EEF2K: variants seen among roughly 807,000 people sequenced by gnomAD.
EEF2K encodes the protein eukaryotic elongation factor 2 kinase.
A neutral mutation model predicts 93.8 loss-of-function variants in EEF2K; 70 were observed. That is an observed-to-expected ratio of 0.75 (90% CI 0.62 to 0.91). EEF2K has a LOEUF of 0.91. Ranked by LOEUF, EEF2K falls within the 40% of genes least tolerant of loss-of-function variation. The pLI, the probability that EEF2K is intolerant of heterozygous loss-of-function variation, is 0.00. For synonymous variants in EEF2K, 376 were observed against 380.8 expected (o/e 0.99, Z 0.15); for missense variants, 935 against 972.9 (o/e 0.96, Z 0.52).
At chr16:22,267,734 C>T (rs1036100785) in intron 15 of EEF2K, among the ~76,000 whole-genome samples, 2 of 152,108 alleles carry the variant, frequency 1.3e-5, no homozygotes, top group Non-Finnish European at 2.9e-5. Flanking sequence ...AGACAAGGTG[C>T]ACCCGTGTAG....
At chr16:22,229,788 C>T (rs1038335802) in intron 2 of EEF2K, among the ~76,000 whole-genome samples, 2 of 152,120 alleles carry the variant, frequency 1.3e-5, no homozygotes, top group African/African-American at 4.8e-5. Context: ...ATACCATTAC[C>T]CTTTCTTAAT....
intron 1 of EEF2K, among the ~76,000 whole-genome samples, chr16:22,218,936 TAAAAA>T (rs11370005): frequency 8.9e-6 from 1 of 111,978 alleles, no homozygotes; most frequent in African/African-American, 3.1e-5. Context: ...ACAAAAAAAT[TAAAAA>T]AAAAAAAAAA....
chr16:22,236,812 AATT>A (rs1333299857), intron 2 of EEF2K, among the ~76,000 whole-genome samples: 3 of 151,048 alleles, frequency 2.0e-5, no homozygotes, highest in Non-Finnish European at 2.9e-5. Flanking sequence ...CCTGGTATAT[AATT>A]ATTATGATTT....
chr16:22,221,091 G>C (rs546799740), intron 1 of EEF2K, among the ~76,000 whole-genome samples: 1 of 152,230 alleles, frequency 6.6e-6, no homozygotes, highest in African/African-American at 2.4e-5. Flanking sequence ...AGTAGTTCAC[G>C]TTGGTTTTCA....
intron 10 of EEF2K, among the ~76,000 whole-genome samples, chr16:22,259,921 T>C (rs2047445979): frequency 6.6e-6 from 1 of 151,970 alleles, no homozygotes; most frequent in African/African-American, 2.4e-5. Flanking sequence ...CCCAGCTAAT[T>C]TTTGTATTTT....
intron 1 of EEF2K, among the ~76,000 whole-genome samples, chr16:22,223,279 T>C (rs2047032508): frequency 6.7e-6 from 1 of 149,406 alleles, no homozygotes. Context: ...TTTTTTTTTT[T>C]TGGTTTTGTT....
Position 22,273,574 on chromosome 16 carries a change from G to C in EEF2K, c.1765-52G>C. ...GAGTAGTGAGATCTTGGCAGCCCTC[G>C]AGTGTAAGCCTCATTCACTCTTCTT... On this transcript the variant is annotated intron_variant, in intron 15 of 17. Transcript: ENST00000263026. The C allele has an allele frequency of 2.5e-6, 4 of 1,597,868 alleles. No homozygotes were observed. The South Asian group carries it at 4.5e-5, about 18-fold the overall frequency.
chr16:22,244,561 G>T, intron 2 of EEF2K, 69 bp from the exon 3 acceptor site: 1 of 1,444,934 alleles, frequency 6.9e-7, no homozygotes, highest in Non-Finnish European at 9.7e-7. Flanking sequence ...AGGGCAGGAG[G>T]AGTCCACGCT....
chr16:22,260,860 A>G (rs1400260525), intron 11 of EEF2K, among the ~76,000 whole-genome samples: 2 of 152,186 alleles, frequency 1.3e-5, no homozygotes, highest in African/African-American at 4.8e-5. Context: ...TGTCCTATAG[A>G]GCCCTAATAC....
In EEF2K at chr16:22,283,957, C is replaced by T; in HGVS notation, c.2139C>T (p.Tyr713=). The change falls in exon 18 of 18, where the codon TAC becomes TAT. Residue 713 remains tyrosine, a synonymous_variant. Transcript: ENST00000263026. ...AGGGCCGACTGGCCAACCAGTACTA[C>T]CAAAAGGCTGAAGAGGCCTGGGCCC... ...AMKGRLANQY[Y]QKAEEAWAQM... 6.3e-7 allele frequency: 1 copy of T among 1,593,556 alleles called. No homozygotes were observed. Among genetic ancestry groups the T allele is most frequent in the South Asian group, 1.1e-5 (1 of 87,466 alleles).
At chr16:22,245,010 C>T (rs2047272904) in intron 3 of EEF2K, among the ~76,000 whole-genome samples, 1 of 151,978 alleles carries the variant, frequency 6.6e-6, no homozygotes, top group South Asian at 2.1e-4. Context: ...ACCTGTAATC[C>T]CAGCACTTTG....
intron 1 of EEF2K, 22 bp from the exon 2 acceptor site, chr16:22,225,632 C>G: frequency 6.5e-7 from 1 of 1,534,766 alleles, no homozygotes; most frequent in Non-Finnish European, 8.8e-7. Context: ...CACCCACTCT[C>G]TGGCCCTTGC....
chr16:22,236,147 T>C (rs2047165452), intron 2 of EEF2K, among the ~76,000 whole-genome samples: 1 of 152,022 alleles, frequency 6.6e-6, no homozygotes, highest in South Asian at 2.1e-4. Flanking sequence ...CACTGATAAT[T>C]GTACCAAACC....
At chr16:22,235,638 C>CA (rs1262607277) in intron 2 of EEF2K, among the ~76,000 whole-genome samples, 2 of 152,074 alleles carry the variant, frequency 1.3e-5, no homozygotes, top group African/African-American at 4.8e-5. Flanking sequence ...GCTGGGATTA[C>CA]AGGCATGCAC....
rs2047339405 is a variant in EEF2K, at chr16:22,250,549, A to G, written c.409-105A>G. On this transcript the variant is annotated intron_variant, in intron 4 of 17. Coordinates refer to ENST00000263026, the MANE Select transcript of EEF2K (RefSeq NM_013302.5). ...GGATTTCAGGATTGAGATGAGGCCC[A>G]GGGCACCCATTTGATAGGTGGCATG... 3 of 1,395,244 alleles carry G rather than the reference A, an allele frequency of 2.2e-6. No individual in the cohort carries two copies. In the South Asian group the frequency reaches 3.6e-5, roughly 17 times the overall value. The allele number at this position is 1,395,244 out of a possible 1,614,324, so 86.4% of individuals were successfully genotyped here.
intron 6 of EEF2K, 61 bp from the exon 7 acceptor site, chr16:22,256,686 GC>G: frequency 6.4e-7 from 1 of 1,559,904 alleles, no homozygotes; most frequent in Non-Finnish European, 8.7e-7. Flanking sequence ...CCCTCCCCTT[GC>G]CGCTTCTCAG....
At position 22,257,647 on chromosome 16, in the gene EEF2K, C is replaced by T. The variant is rs2047417779; in HGVS notation, c.906C>T (p.Val302=). Residue 302 remains valine, a synonymous_variant, in exon 9 of 18, where the codon GTC becomes GTT. Transcript: ENST00000263026. ...ACACCCCCGCTCTGTCCACAGGTGT[C>T]CGCGGGATGGCGCTCTTCTTCTACT... ...GTDFGDGNLG[V]RGMALFFYSH... is the part of the protein sequence containing the mutation. 3 of 1,613,108 alleles carry T rather than the reference C, an allele frequency of 1.9e-6. No individual in the cohort carries two copies. Among genetic ancestry groups the T allele is most frequent in the Non-Finnish European group, 2.5e-6 (3 of 1,179,992 alleles).
intron 17 of EEF2K, among the ~76,000 whole-genome samples, chr16:22,282,324 C>T (rs536058880): frequency 2.0e-5 from 3 of 152,348 alleles, no homozygotes; most frequent in South Asian, 4.1e-4. Flanking sequence ...CATGACCTTT[C>T]TCCTGGATGC....
At chr16:22,243,922 CAAAAAAAAAAAA>C (rs1011054825) in intron 2 of EEF2K, among the ~76,000 whole-genome samples, 2 of 61,996 alleles carry the variant, frequency 3.2e-5, no homozygotes, top group Non-Finnish European at 6.1e-5. Context: ...GACCCTGTCT[CAAAAAAAAAAAA>C]AAAAAAAAAG....
Sources: gnomAD v4.1 joint callset for allele counts (sites outside exome capture counted in the v4.1 genomes callset) on GRCh38, gnomAD v4.1.1 for gene constraint, MANE v1.5 for transcripts, NCBI Gene and HGNC (gene_info 2026-07-23, HGNC 2026-07-21) for gene names.